GPC3: variants seen among roughly 807,000 people sequenced by gnomAD.
The protein encoded by GPC3 is glypican-3.
In GPC3, 3 loss-of-function variants were observed where a neutral mutation model predicts 34.4. The observed-to-expected ratio is 0.09, with a 90% CI of 0.04 to 0.23. GPC3 has a LOEUF of 0.23. Among genes scored for constraint, GPC3 ranks in the 10% least tolerant of loss-of-function variants. The pLI, the probability that GPC3 is intolerant of heterozygous loss-of-function variation, is 1.00. For synonymous variants in GPC3, 177 were observed against 174.0 expected, an observed-to-expected ratio of 1.02 and a Z score of -0.13; for missense variants, 351 against 445.6, an observed-to-expected ratio of 0.79 and a Z score of 1.91.
intron 2 of GPC3, among the ~76,000 whole-genome samples, chrX:133,781,309 A>G (rs56331746): frequency 1.1e-3 from 123 of 111,861 alleles, no homozygotes; most frequent in Non-Finnish European, 1.9e-3. Flanking sequence ...TTTCTGCCAC[A>G]TTAGTCAATG....
At chrX:133,741,400 G>T (rs774964250) in intron 3 of GPC3, among the ~76,000 whole-genome samples, 1 of 111,335 alleles carries the variant, frequency 9.0e-6, no homozygotes, top group Non-Finnish European at 1.9e-5. Context: ...AAGGCCACAC[G>T]TAGAAAACAG....
intron 6 of GPC3, among the ~76,000 whole-genome samples, chrX:133,625,980 G>C (rs2070294531): frequency 9.0e-6 from 1 of 111,066 alleles, no homozygotes; most frequent in South Asian, 3.8e-4. Flanking sequence ...TAGACCAATG[G>C]AATAGAACAG....
intron 3 of GPC3, among the ~76,000 whole-genome samples, chrX:133,720,852 C>A: frequency 9.2e-6 from 1 of 108,616 alleles, no homozygotes; most frequent in African/African-American, 3.4e-5. Context: ...GACGCAAAGG[C>A]ATAAGAATGA....
chrX:133,793,460 G>T (rs1191737591), intron 2 of GPC3, among the ~76,000 whole-genome samples: 1 of 111,771 alleles, frequency 8.9e-6, no homozygotes, highest in Non-Finnish European at 1.9e-5. Context: ...ACCCCCTTGT[G>T]AAATAAATGC....
chrX:133,704,691 CT>C (rs1179173691), intron 3 of GPC3, among the ~76,000 whole-genome samples: 2 of 110,318 alleles, frequency 1.8e-5, no homozygotes, highest in African/African-American at 6.5e-5. Context: ...TTACGACATA[CT>C]TTAGAAGAGG....
intron 6 of GPC3, among the ~76,000 whole-genome samples, chrX:133,612,955 G>A (rs887868928): frequency 9.0e-6 from 1 of 111,631 alleles, no homozygotes; most frequent in African/African-American, 3.3e-5. Flanking sequence ...GGGGAACACC[G>A]GTGAAACAGA....
At chrX:133,661,139 A>G (rs1280459793) in intron 6 of GPC3, among the ~76,000 whole-genome samples, 1 of 111,629 alleles carries the variant, frequency 9.0e-6, no homozygotes, top group African/African-American at 3.3e-5. Flanking sequence ...ACTGACCTCC[A>G]GCCTGGGCAA....
At chrX:133,805,174 G>A (rs911350485) in intron 2 of GPC3, among the ~76,000 whole-genome samples, 5 of 111,969 alleles carry the variant, frequency 4.5e-5, no homozygotes, top group African/African-American at 1.6e-4. Context: ...ATTTTGTCTT[G>A]CAAATAAAAA....
chrX:133,941,207 A>G (rs1240190215), intron 2 of GPC3, among the ~76,000 whole-genome samples: 1 of 112,312 alleles, frequency 8.9e-6, no homozygotes, highest in Non-Finnish European at 1.9e-5. Flanking sequence ...GTAAACACAC[A>G]TACTACATCA....
chrX:133,923,702 C>T lies in GPC3; in HGVS notation c.337+29348G>A, dbSNP rs1244822132. ...ATTACAACAGCTGGTTGGGCCAAGG[C>T]TTCTCAGCCCTAGGCTCGGCAGTGG... On this transcript the variant is annotated intron_variant, in intron 2 of 7. Transcript: ENST00000370818. Among the ~76,000 whole-genome samples, 11 of 112,554 alleles carry T rather than the reference C, an allele frequency of 9.8e-5. No individual in the cohort carries two copies. In the Admixed American group the frequency reaches 1.0e-3, roughly 11 times the overall value.
At chrX:133,776,878 C>CTTTTTTTTTT (rs10633635) in intron 2 of GPC3, among the ~76,000 whole-genome samples, 5 of 79,627 alleles carry the variant, frequency 6.3e-5, no homozygotes, top group Non-Finnish European at 9.6e-5. Flanking sequence ...CCTTTCTTTT[C>CTTTTTTTTTT]TTTTTTTTTT....
intron 2 of GPC3, chrX:133,763,352 G>A (rs1200955112): frequency 2.0e-5 from 11 of 549,547 alleles, no homozygotes; most frequent in East Asian, 3.3e-5. Context: ...CTGCACACGC[G>A]TGGTACCATT....
At chrX:133,722,664 C>T (rs899040550) in intron 3 of GPC3, among the ~76,000 whole-genome samples, 1 of 112,004 alleles carries the variant, frequency 8.9e-6, no homozygotes, top group Non-Finnish European at 1.9e-5. Flanking sequence ...CTGATTGTAA[C>T]TTCAGCCAAT....
At chrX:133,558,904 T>TAAAC (rs1470842969) in intron 7 of GPC3, among the ~76,000 whole-genome samples, 2 of 79,391 alleles carry the variant, frequency 2.5e-5, no homozygotes, top group African/African-American at 7.6e-5. Flanking sequence ...AATAAGTAAG[T>TAAAC]AAATAAATAA....
intron 5 of GPC3, among the ~76,000 whole-genome samples, chrX:133,662,829 A>C (rs1296671287): frequency 1.8e-5 from 2 of 111,747 alleles, no homozygotes; most frequent in Admixed American, 1.9e-4. Context: ...TAAAGAAATG[A>C]AAAGATTCCC....
intron 6 of GPC3, among the ~76,000 whole-genome samples, chrX:133,601,599 C>A (rs2069981551): frequency 8.9e-6 from 1 of 112,001 alleles, no homozygotes; most frequent in African/African-American, 3.2e-5. Context: ...TGAATATTTG[C>A]ATTGTTTCCT....
chrX:133,732,722 T>C (rs2071473419), intron 3 of GPC3, among the ~76,000 whole-genome samples: 1 of 111,673 alleles, frequency 9.0e-6, no homozygotes, highest in African/African-American at 3.3e-5. Flanking sequence ...AAGAGATCTG[T>C]AGAGGATCTA....
intron 4 of GPC3, among the ~76,000 whole-genome samples, chrX:133,696,318 C>T (rs1420637530): frequency 1.8e-5 from 2 of 111,908 alleles, no homozygotes; most frequent in Non-Finnish European, 3.8e-5. Flanking sequence ...GTGATAATGT[C>T]CTCTGACACT....
At chrX:133,845,050 C>T (rs1021950168) in intron 2 of GPC3, among the ~76,000 whole-genome samples, 1 of 111,696 alleles carries the variant, frequency 9.0e-6, no homozygotes, top group African/African-American at 3.3e-5. Flanking sequence ...GCACTCCCCT[C>T]ACAGTCCTCC....
Sources: gnomAD v4.1 joint callset for allele counts (sites outside exome capture counted in the v4.1 genomes callset) on GRCh38, gnomAD v4.1.1 for gene constraint, MANE v1.5 for transcripts, NCBI Gene and HGNC (gene_info 2026-07-23, HGNC 2026-07-21) for gene names.